MACROH2A1: variants seen among roughly 807,000 people sequenced by gnomAD.
MACROH2A1 encodes the protein core histone macro-H2A.1.
Under a neutral mutation model 31.6 loss-of-function variants are expected in MACROH2A1, and 2 were observed. That is an observed-to-expected ratio of 0.06 (90% CI 0.03 to 0.20). The LOEUF (loss-of-function observed/expected upper bound fraction) is 0.20. Among genes scored for constraint, MACROH2A1 ranks in the 10% least tolerant of loss-of-function variants. The probability of loss-of-function intolerance (pLI) is 1.00; values close to 1 mark genes in which losing one functional copy is unlikely to be tolerated. For synonymous variants in MACROH2A1, 169 were observed against 189.6 expected (o/e 0.89, Z 0.89); for missense variants, 230 against 474.0 (o/e 0.49, Z 4.78).
At chr5:135,353,134 C>T in intron 5 of MACROH2A1, 89 bp from the exon 6 acceptor site, 1 of 825,648 alleles carries the variant, frequency 1.2e-6, no homozygotes, top group South Asian at 1.4e-5. Context: ...GGACAGTGGA[C>T]ACTCCAAGTG....
chr5:135,370,202 T>C, intron 2 of MACROH2A1, 60 bp from the exon 3 acceptor site: 1 of 1,041,184 alleles, frequency 9.6e-7, no homozygotes, highest in Non-Finnish European at 1.4e-6. Context: ...CCCGCCCCGG[T>C]CCCCACATTC....
intron 1 of MACROH2A1, among the ~76,000 whole-genome samples, chr5:135,396,908 C>T (rs1198734399): frequency 6.6e-6 from 1 of 152,088 alleles, no homozygotes; most frequent in Non-Finnish European, 1.5e-5. Flanking sequence ...CTCAGGCTCA[C>T]TTGTAAGCAC....
chr5:135,349,650 A>G (rs892593544), intron 6 of MACROH2A1, among the ~76,000 whole-genome samples: 1 of 152,084 alleles, frequency 6.6e-6, no homozygotes, highest in South Asian at 2.1e-4. Context: ...GAAAATCCTG[A>G]TCTCCTCATC....
At chr5:135,340,925 T>A (rs987039302) in intron 8 of MACROH2A1, among the ~76,000 whole-genome samples, 3 of 152,250 alleles carry the variant, frequency 2.0e-5, no homozygotes, top group Non-Finnish European at 2.9e-5. Context: ...CTTAGGCATT[T>A]CCCCCTCTTC....
At chr5:135,352,523 G>A (rs941249129) in intron 6 of MACROH2A1, among the ~76,000 whole-genome samples, 14 of 152,278 alleles carry the variant, frequency 9.2e-5, no homozygotes, top group Middle Eastern at 3.4e-3. Context: ...ATACTGATGT[G>A]GCCTGTCTTC....
intron 2 of MACROH2A1, 57 bp from the exon 3 acceptor site, chr5:135,370,199 C>T (rs773445089): frequency 1.4e-4 from 153 of 1,071,856 alleles, no homozygotes; most frequent in Non-Finnish European, 1.8e-4. Context: ...GTCCCCGCCC[C>T]GGTCCCCACA....
intron 2 of MACROH2A1, among the ~76,000 whole-genome samples, chr5:135,372,927 G>A (rs112766781): frequency 0.037 from 5,572 of 152,298 alleles, 381 homozygotes; most frequent in African/African-American, 0.13. Context: ...GGTATCTGCA[G>A]AGCCAGAATA....
intron 4 of MACROH2A1, among the ~76,000 whole-genome samples, chr5:135,367,850 G>A: frequency 6.6e-6 from 1 of 152,198 alleles, no homozygotes; most frequent in East Asian, 1.9e-4. Flanking sequence ...GGTTGCACAA[G>A]CACTTTCCTC....
intron 8 of MACROH2A1, among the ~76,000 whole-genome samples, chr5:135,339,399 C>T (rs1303798479): frequency 6.6e-6 from 1 of 152,188 alleles, no homozygotes; most frequent in Admixed American, 6.5e-5. Context: ...TGGGACTTCA[C>T]TAAGCACCCC....
intron 4 of MACROH2A1, among the ~76,000 whole-genome samples, chr5:135,363,122 C>T (rs1333859537): frequency 6.6e-6 from 1 of 151,920 alleles, no homozygotes; most frequent in African/African-American, 2.4e-5. Context: ...GTAATCCCAA[C>T]ACTTTGTGGG....
At chr5:135,355,431 C>T in intron 5 of MACROH2A1, 1 of 357,528 alleles carries the variant, frequency 2.8e-6, no homozygotes, top group Admixed American at 3.6e-5. Context: ...GAGGCTAGAG[C>T]TGTGATTTTC....
rs151103822 is a variant in MACROH2A1 at position 135,361,327 on chromosome 5, C to T, written c.478-720G>A. The T allele has an allele frequency of 6.5e-3, 1,002 of 153,416 alleles. 11 individuals are homozygous for T. The highest frequency in any genetic ancestry group is 0.022 in the African/African-American group (909 of 41,550). The allele number at this position is 153,416 out of a possible 1,614,324, so 9.5% of individuals were successfully genotyped here. Reference sequence around the variant, plus strand: ...TAACATTTTCCTACAACTGATCTGCCGTAAGAAGTACACCTGTGGTCAAGG... The same window carrying T: ...TAACATTTTCCTACAACTGATCTGCTGTAAGAAGTACACCTGTGGTCAAGG... On this transcript the variant is annotated intron_variant, in intron 4 of 8. Coordinates refer to ENST00000511689, the MANE Select transcript of MACROH2A1 (RefSeq NM_138610.3).
At position 135,398,315 on chromosome 5, in the gene MACROH2A1, C is replaced by T. The variant is rs766165422; in HGVS notation, c.-34+747G>A. Among the ~76,000 whole-genome samples, 1 of 152,166 alleles carries T rather than the reference C, an allele frequency of 6.6e-6. No homozygotes were observed. Among genetic ancestry groups the T allele is most frequent in the African/African-American group, 2.4e-5 (1 of 41,436 alleles). On this transcript the variant is annotated intron_variant, in intron 1 of 8. Coordinates refer to ENST00000511689, the MANE Select transcript of MACROH2A1 (RefSeq NM_138610.3). This position sits in a 1 kb window ranked among gnomAD's most constrained non-coding sequence, Gnocchi z 4.6. ...CCCCAGCGAGGCTCTTTCCTGCTGG[C>T]CTTCTCCACCCGGGGAAGCCTACAG...
intron 2 of MACROH2A1, among the ~76,000 whole-genome samples, chr5:135,379,392 C>T (rs576344346): frequency 2.6e-5 from 4 of 152,222 alleles, no homozygotes; most frequent in Non-Finnish European, 5.9e-5. Context: ...GGGAGGGATC[C>T]AGGGTCAGAG....
intron 2 of MACROH2A1, among the ~76,000 whole-genome samples, chr5:135,377,324 T>A (rs1398922797): frequency 6.6e-6 from 1 of 152,192 alleles, no homozygotes; most frequent in Non-Finnish European, 1.5e-5. Flanking sequence ...TACAAGGAAA[T>A]GGTTAATATG....
intron 6 of MACROH2A1, 26 bp downstream of exon 6, chr5:135,352,920 T>C: frequency 1.7e-6 from 2 of 1,152,370 alleles, no homozygotes; most frequent in Non-Finnish European, 1.3e-6. Flanking sequence ...TGACAGCTGG[T>C]GGTGCCGAAC....
rs1760244261 is a variant in MACROH2A1, at chr5:135,343,304, A to G, written c.909T>C (p.Asp303=). The change falls in exon 8 of 9, where the codon GAT becomes GAC. Residue 303 remains aspartate (D), a synonymous_variant. Transcript: ENST00000511689. ...GAAATGCAATGGATTTCAGCTTCTTATCATCAGCCAGGGCCAAGCAGTTTT... is the reference window on the plus strand; with the variant it reads ...GAAATGCAATGGATTTCAGCTTCTTGTCATCAGCCAGGGCCAAGCAGTTTT... ...TVKNCLALAD[D]KKLKSIAFPS... 6.2e-7 allele frequency: 1 copy of G among 1,614,052 alleles called. No individual in the cohort carries two copies. The highest frequency in any genetic ancestry group is 1.3e-5 in the African/African-American group (1 of 74,928).
At chr5:135,357,992 A>G in intron 5 of MACROH2A1, 1 of 985,308 alleles carries the variant, frequency 1.0e-6, no homozygotes. Flanking sequence ...TCACAGATAG[A>G]AAAATGAGAT....
At chr5:135,357,793 A>C in intron 5 of MACROH2A1, 1 of 980,424 alleles carries the variant, frequency 1.0e-6, no homozygotes, top group Non-Finnish European at 1.2e-6. Context: ...AAAATCAGAG[A>C]GTAATGGCTA....
Sources: gnomAD v4.1 joint callset for allele counts (sites outside exome capture counted in the v4.1 genomes callset) on GRCh38, gnomAD v4.1.1 for gene constraint, Gnocchi (gnomAD v3.1) non-coding constraint, MANE v1.5 for transcripts, NCBI Gene and HGNC (gene_info 2026-07-23, HGNC 2026-07-21) for gene names.